NRG1: variants seen among roughly 807,000 people sequenced by gnomAD.
NRG1 encodes pro-neuregulin-1, membrane-bound isoform.
Under a neutral mutation model 63.8 loss-of-function variants are expected in NRG1, and 18 were observed. That is an observed-to-expected ratio of 0.28 (90% CI 0.19 to 0.42). NRG1 has a LOEUF of 0.42. NRG1 is among the 10% of genes least tolerant of loss of function. The pLI is 1.00. For missense variants in NRG1, 762 were observed against 814.7 expected (o/e 0.94, Z 0.79); for synonymous variants, 302 against 301.3 (o/e 1.00, Z -0.02).
chr8:31,819,690 G>T (rs980328599), intron 1 of NRG1, among the ~76,000 whole-genome samples: 31 of 152,110 alleles, frequency 2.0e-4, no homozygotes, highest in African/African-American at 7.5e-4. Flanking sequence ...TCAGTTTTGT[G>T]TCTCAGTAAT....
At chr8:31,860,490 T>G (rs1256037432) in intron 1 of NRG1, among the ~76,000 whole-genome samples, 1 of 152,176 alleles carries the variant, frequency 6.6e-6, no homozygotes, top group Non-Finnish European at 1.5e-5. Context: ...ACCTATTAGA[T>G]GTGCCATTTA....
At chr8:31,946,352 T>C (rs1325876259) in intron 1 of NRG1, among the ~76,000 whole-genome samples, 1 of 152,132 alleles carries the variant, frequency 6.6e-6, no homozygotes, top group Non-Finnish European at 1.5e-5. Context: ...AGACTCAGAA[T>C]CTCTATGGCT....
At chr8:31,895,955 T>G (rs1368855442) in intron 1 of NRG1, among the ~76,000 whole-genome samples, 1 of 152,224 alleles carries the variant, frequency 6.6e-6, no homozygotes, top group Admixed American at 6.5e-5. Context: ...TTGCAGTATA[T>G]ATATGCTTTA....
At chr8:31,955,019 G>C (rs1034295203) in intron 1 of NRG1, among the ~76,000 whole-genome samples, 3 of 152,126 alleles carry the variant, frequency 2.0e-5, no homozygotes, top group African/African-American at 7.2e-5. Context: ...GGGGATGAGA[G>C]AAGGGAAAGA....
At chr8:31,847,189 C>A (rs1826771328) in intron 1 of NRG1, among the ~76,000 whole-genome samples, 1 of 152,176 alleles carries the variant, frequency 6.6e-6, no homozygotes, top group South Asian at 2.1e-4. Flanking sequence ...GTTACACAAT[C>A]TTTCCAGTTT....
At chr8:31,965,620 A>G (rs1806193392) in intron 1 of NRG1, among the ~76,000 whole-genome samples, 1 of 152,208 alleles carries the variant, frequency 6.6e-6, no homozygotes, top group South Asian at 2.1e-4. Flanking sequence ...GTTCCTTGAG[A>G]TATCTTCATA....
chr8:32,545,868 T>C (rs543279179), upstream of NRG1, among the ~76,000 whole-genome samples: 3 of 152,310 alleles, frequency 2.0e-5, no homozygotes, highest in East Asian at 5.8e-4. Context: ...TGTCATGCAA[T>C]TGCCATTTCA....
chr8:31,770,879 A>G (rs1818561093), intron 1 of NRG1, among the ~76,000 whole-genome samples: 1 of 151,802 alleles, frequency 6.6e-6, no homozygotes, highest in Non-Finnish European at 1.5e-5. Context: ...CAGTTCCCAC[A>G]GTCCCTGTTA....
At chr8:31,683,154 G>A (rs1487234857) in intron 1 of NRG1, among the ~76,000 whole-genome samples, 1 of 152,136 alleles carries the variant, frequency 6.6e-6, no homozygotes, top group Non-Finnish European at 1.5e-5. Flanking sequence ...CATACAAAAT[G>A]AAGCGTTCTC....
chr8:32,334,210 C>T (rs1271236185), intron 1 of NRG1, among the ~76,000 whole-genome samples: 1 of 152,074 alleles, frequency 6.6e-6, no homozygotes, highest in Non-Finnish European at 1.5e-5. Flanking sequence ...TAGTGTCCAG[C>T]ATGGAGAAAG....
chr8:32,714,050 C>G (rs537198829), intron 5 of NRG1, among the ~76,000 whole-genome samples: 1 of 152,156 alleles, frequency 6.6e-6, no homozygotes, highest in African/African-American at 2.4e-5. Context: ...GTCTCAAACT[C>G]CTGACCTCAA....
At chr8:31,764,372 C>T (rs974949372) in intron 1 of NRG1, among the ~76,000 whole-genome samples, 4 of 152,080 alleles carry the variant, frequency 2.6e-5, no homozygotes, top group Admixed American at 2.0e-4. Flanking sequence ...TCATTTTGTG[C>T]TTTTACAGCC....
At chr8:31,835,867 A>G (rs1563461882) in intron 1 of NRG1, among the ~76,000 whole-genome samples, 1 of 152,176 alleles carries the variant, frequency 6.6e-6, no homozygotes, top group Non-Finnish European at 1.5e-5. Context: ...GAAATGTTCA[A>G]TGTCTGTACT....
chr8:32,647,509 A>G, intron 5 of NRG1: 1 of 985,330 alleles, frequency 1.0e-6, no homozygotes, highest in Non-Finnish European at 1.2e-6. Flanking sequence ...CAGCTTAAAG[A>G]ATTATTACGA....
chr8:32,416,637 C>T (rs1051828413), intron 1 of NRG1, among the ~76,000 whole-genome samples: 1 of 151,934 alleles, frequency 6.6e-6, no homozygotes, highest in Non-Finnish European at 1.5e-5. Flanking sequence ...TCTGTGTTTT[C>T]CTTGTTTTTG....
chr8:32,260,609 C>A (rs1446642346), intron 1 of NRG1, among the ~76,000 whole-genome samples: 1 of 152,178 alleles, frequency 6.6e-6, no homozygotes, highest in African/African-American at 2.4e-5. Flanking sequence ...TTATTTATTT[C>A]CTTTCTCAAC....
In NRG1 at chr8:32,122,415, T is replaced by C. The variant is rs137965407; in HGVS notation, c.38-473413T>C. ...ATTTCCTGTTTCTTTTTCTTTTTGG[T>C]ATCCCTCATGACTATATAGTCTCCC... On this transcript the variant is annotated intron_variant, in intron 1 of 10. Transcript: ENST00000519301. Among the ~76,000 whole-genome samples the C allele has an allele frequency of 6.2e-4, 95 of 152,082 alleles. 2 individuals carry two copies. In the East Asian group the frequency reaches 0.014, roughly 22 times the overall value.
intron 1 of NRG1, among the ~76,000 whole-genome samples, chr8:32,529,780 G>A (rs1022788156): frequency 1.3e-5 from 2 of 152,170 alleles, no homozygotes; most frequent in African/African-American, 4.8e-5. Flanking sequence ...CACACACGGA[G>A]CTGTCACTTT....
intron 1 of NRG1, among the ~76,000 whole-genome samples, chr8:31,990,213 T>C (rs1210328501): frequency 6.6e-5 from 10 of 152,062 alleles, no homozygotes; most frequent in African/African-American, 2.2e-4. Context: ...GTGGAGAAAT[T>C]AGTAGAAACT....
Sources: allele counts gnomAD v4.1 joint callset (sites outside exome capture counted in the v4.1 genomes callset), GRCh38; gene constraint gnomAD v4.1.1; transcripts MANE v1.5; gene names NCBI Gene and HGNC (gene_info 2026-07-23, HGNC 2026-07-21).